The following ARPP21 variants were observed in gnomAD, a reference collection of about 807,000 sequenced individuals.
ARPP21 encodes cAMP-regulated phosphoprotein 21.
ARPP21 carries 69 observed loss-of-function variants against 113.2 expected under a neutral mutation model. The ratio of observed to expected loss-of-function variants is 0.61; its 90% CI spans 0.50 to 0.74. ARPP21 has a LOEUF of 0.74. Among genes scored for constraint, ARPP21 ranks in the 30% least tolerant of loss-of-function variants. The probability of loss-of-function intolerance (pLI) is 0.00; values close to 1 mark genes in which losing one functional copy is unlikely to be tolerated. For synonymous variants in ARPP21, 368 were observed against 375.5 expected, an observed-to-expected ratio of 0.98 and a Z score of 0.23; for missense variants, 1,070 against 1,037.4, an observed-to-expected ratio of 1.03 and a Z score of -0.43.
At chr3:35,688,880 A>AC (rs1553666715) in intron 6 of ARPP21, among the ~76,000 whole-genome samples, 2,354 of 146,842 alleles carry the variant, frequency 0.016, 23 homozygotes, top group Non-Finnish European at 0.027. Context: ...CAGAACATTC[A>AC]TTTTTTTTTT....
chr3:35,781,615 A>T (rs1285112118), intron 19 of ARPP21: 1 of 152,194 alleles, frequency 6.6e-6, no homozygotes, highest in East Asian at 1.9e-4. Context: ...ATAAGGTGAG[A>T]TTAAAGATAT....
chr3:35,667,649 A>T (rs1156470788), intron 1 of ARPP21, among the ~76,000 whole-genome samples: 2 of 152,042 alleles, frequency 1.3e-5, no homozygotes, highest in African/African-American at 2.4e-5. Flanking sequence ...AGATTAAAAG[A>T]AGAGAAAAAG....
intron 1 of ARPP21, among the ~76,000 whole-genome samples, chr3:35,654,582 C>T (rs992011249): frequency 9.9e-5 from 15 of 151,954 alleles, no homozygotes; most frequent in African/African-American, 3.1e-4. Flanking sequence ...ATTGTTTGTC[C>T]TCAATTTGTT....
At chr3:35,708,826 C>A (rs2090127326) in intron 10 of ARPP21, 143 bp from the exon 11 acceptor site, 2 of 640,400 alleles carry the variant, frequency 3.1e-6, no homozygotes, top group Non-Finnish European at 5.5e-6. Context: ...CCAACACAGC[C>A]TCCTCAGGAA....
At chr3:35,744,966 T>A (rs184354216) in intron 19 of ARPP21, among the ~76,000 whole-genome samples, 2 of 152,342 alleles carry the variant, frequency 1.3e-5, no homozygotes, top group Admixed American at 1.3e-4. Flanking sequence ...CCTGTCAGAT[T>A]GGAGAAAGAA....
chr3:35,746,568 C>T (rs775329606), intron 19 of ARPP21, among the ~76,000 whole-genome samples: 4 of 152,220 alleles, frequency 2.6e-5, no homozygotes, highest in Admixed American at 1.3e-4. Context: ...TTAACTTGTT[C>T]TTCCTCCTGC....
intron 19 of ARPP21, among the ~76,000 whole-genome samples, chr3:35,753,650 G>C (rs1387730243): frequency 6.6e-6 from 1 of 152,010 alleles, no homozygotes; most frequent in Non-Finnish European, 1.5e-5. Context: ...TATTTGAAAA[G>C]AGACCAAAGC....
At chr3:35,735,758 C>A (rs1559789867) in intron 15 of ARPP21, among the ~76,000 whole-genome samples, 1 of 152,214 alleles carries the variant, frequency 6.6e-6, no homozygotes, top group South Asian at 2.1e-4. Context: ...AACTTGTGAA[C>A]AAATATTCCC....
At position 35,682,739 on chromosome 3, in the gene ARPP21, G is replaced by A. The variant is rs75245354; in HGVS notation, c.130-109G>A. On this transcript the variant is annotated intron_variant, in intron 3 of 20. Transcript: ENST00000684406. ...TATTATTGACTTCTCTACTGTAGCC[G>A]GTAGTGACATTTTTCTCTCTTTCTT... 1.7e-4 allele frequency: 154 copies of A among 925,016 alleles called. No homozygotes were observed. The African/African-American group carries it at 2.1e-3, about 13-fold the overall frequency. 57.3% of individuals were successfully genotyped at this position (925,016 alleles called of 1,614,324 possible). A position where few individuals can be genotyped will look rare whatever the true frequency, so the allele number is the denominator to read the frequency against.
At chr3:35,674,314 A>G (rs1319532537) in intron 1 of ARPP21, among the ~76,000 whole-genome samples, 3 of 151,962 alleles carry the variant, frequency 2.0e-5, no homozygotes, top group Non-Finnish European at 4.4e-5. Flanking sequence ...TGTCTTAGAA[A>G]AGTTATATGG....
At chr3:35,728,215 C>CTT (rs775065085) in intron 14 of ARPP21, among the ~76,000 whole-genome samples, 58 of 105,166 alleles carry the variant, frequency 5.5e-4, no homozygotes, top group African/African-American at 1.1e-3. Flanking sequence ...GATTCCTTGC[C>CTT]TTTTTTTTTT....
chr3:35,792,639 G>C (rs2096769253), intron 20 of ARPP21, 109 bp downstream of exon 20: 3 of 862,532 alleles, frequency 3.5e-6, no homozygotes, highest in Middle Eastern at 2.3e-4. Context: ...TGCGTGCTTG[G>C]TCCATAACTG....
intron 9 of ARPP21, among the ~76,000 whole-genome samples, chr3:35,692,676 G>A (rs1453245205): frequency 2.0e-5 from 3 of 151,630 alleles, no homozygotes; most frequent in Admixed American, 6.6e-5. Flanking sequence ...ATGGCTTTGA[G>A]AAAATTAAGC....
At chr3:35,645,387 C>T (rs140126729) in intron 1 of ARPP21, among the ~76,000 whole-genome samples, 1,758 of 151,920 alleles carry the variant, frequency 0.012, 16 homozygotes, top group Middle Eastern at 0.037. Context: ...CAAAATTTTT[C>T]ACAAGAAAAC....
chr3:35,779,535 C>T (rs2096472075), intron 19 of ARPP21, among the ~76,000 whole-genome samples: 1 of 151,764 alleles, frequency 6.6e-6, no homozygotes, highest in South Asian at 2.1e-4. Flanking sequence ...CAGGATATCA[C>T]CACATCCATT....
chr3:35,711,708 A>G (rs915811470), intron 11 of ARPP21, among the ~76,000 whole-genome samples: 5 of 152,122 alleles, frequency 3.3e-5, no homozygotes, highest in South Asian at 2.1e-4. Flanking sequence ...ACTCTCTTAC[A>G]TGATTATTGG....
chr3:35,741,818 ACCT>A (rs2094681932), intron 18 of ARPP21, among the ~76,000 whole-genome samples: 1 of 152,128 alleles, frequency 6.6e-6, no homozygotes, highest in Admixed American at 6.6e-5. Context: ...ATTGCTGTTA[ACCT>A]GGCTTTCTTT....
chr3:35,764,111 T>A (rs2095871792), intron 19 of ARPP21, among the ~76,000 whole-genome samples: 1 of 152,138 alleles, frequency 6.6e-6, no homozygotes, highest in Non-Finnish European at 1.5e-5. Flanking sequence ...ACCTGTTTTA[T>A]GAAATGAAAT....
chr3:35,738,930 TG>T (rs909814132), intron 17 of ARPP21, among the ~76,000 whole-genome samples: 3 of 152,204 alleles, frequency 2.0e-5, no homozygotes, highest in African/African-American at 7.2e-5. Context: ...TTCTGCCTTA[TG>T]GGTGTTCTCG....
Sources: gnomAD v4.1 joint callset for allele counts (sites outside exome capture counted in the v4.1 genomes callset) on GRCh38, gnomAD v4.1.1 for gene constraint, MANE v1.5 for transcripts, NCBI Gene and HGNC (gene_info 2026-07-23, HGNC 2026-07-21) for gene names.